The following ELMO1 variants were observed in gnomAD, a reference collection of about 807,000 sequenced individuals.
The protein encoded by ELMO1 is engulfment and cell motility protein 1.
ELMO1 carries 26 observed loss-of-function variants against 98.9 expected under a neutral mutation model. That is an observed-to-expected ratio of 0.26 (90% confidence interval 0.19 to 0.36). The LOEUF (loss-of-function observed/expected upper bound fraction) is 0.36, where lower values mean the gene tolerates loss of function less well. Ranked by LOEUF, ELMO1 falls within the 10% of genes least tolerant of loss-of-function variation. The probability of loss-of-function intolerance (pLI) is 1.00; values close to 1 mark genes in which losing one functional copy is unlikely to be tolerated. For synonymous variants in ELMO1, 346 were observed against 346.0 expected (o/e 1.00, Z 0.00); for missense variants, 627 against 935.2 (o/e 0.67, Z 4.30).
chr7:36,886,229 G>T (rs1019399896), intron 18 of ELMO1, among the ~76,000 whole-genome samples: 4 of 152,110 alleles, frequency 2.6e-5, no homozygotes, highest in Middle Eastern at 3.2e-3. Flanking sequence ...TTATTACTCT[G>T]CCCATTGTCC....
intron 6 of ELMO1, among the ~76,000 whole-genome samples, chr7:37,256,748 AAGG>A (rs869146721): frequency 5.0e-5 from 5 of 99,868 alleles, no homozygotes; most frequent in Non-Finnish European, 7.9e-5. Context: ...AAGGGAAGGG[AAGG>A]GAAGGGAAGG....
intron 6 of ELMO1, among the ~76,000 whole-genome samples, chr7:37,255,598 T>C (rs1253412169): frequency 2.0e-5 from 3 of 152,316 alleles, no homozygotes. Flanking sequence ...GCAGATCACA[T>C]GCGCCCCTGC....
chr7:37,159,779 G>A (rs538160952), intron 13 of ELMO1, among the ~76,000 whole-genome samples: 4 of 152,256 alleles, frequency 2.6e-5, no homozygotes, highest in East Asian at 1.9e-4. Flanking sequence ...AAGAGAGGAC[G>A]TGAACGGGGC....
intron 16 of ELMO1, among the ~76,000 whole-genome samples, chr7:36,933,151 A>T (rs1030372655): frequency 6.6e-6 from 1 of 152,178 alleles, no homozygotes; most frequent in Non-Finnish European, 1.5e-5. Context: ...CAGTATCTTT[A>T]TGTCACTCAC....
intron 16 of ELMO1, among the ~76,000 whole-genome samples, chr7:36,960,099 T>TA (rs1788814646): frequency 1.3e-5 from 2 of 152,230 alleles, no homozygotes; most frequent in Admixed American, 6.5e-5. Flanking sequence ...TAAATGTGCC[T>TA]ACAGCCCCCA....
chr7:36,855,886 A>G lies in ELMO1; in HGVS notation c.1984-135T>C, dbSNP rs1025722249. 1 of 956,908 alleles carries G rather than the reference A, an allele frequency of 1.0e-6. No homozygotes were observed. Among genetic ancestry groups the G allele is most frequent in the Non-Finnish European group, 1.6e-6 (1 of 636,198 alleles). The allele number at this position is 956,908 out of a possible 1,614,324, so 59.3% of individuals were successfully genotyped here. ...GGCTCTGCCTACTTCGTCATTTCAT[A>G]TTTGGCGACATCTCAATATAAAGTC... is the stretch of plus-strand genomic sequence containing the variant. On this transcript the variant is annotated intron_variant, in intron 21 of 21. Transcript: ENST00000310758. This position sits in a 1 kb window ranked among gnomAD's most constrained non-coding sequence, Gnocchi z 4.2.
chr7:37,196,403 G>A (rs376049590), intron 13 of ELMO1, among the ~76,000 whole-genome samples: 16 of 152,304 alleles, frequency 1.1e-4, no homozygotes, highest in Non-Finnish European at 2.2e-4. Context: ...AGATAGAAAC[G>A]TGGCCTTGCT....
At chr7:37,437,239 G>A (rs1269900718) in intron 1 of ELMO1, among the ~76,000 whole-genome samples, 1 of 151,984 alleles carries the variant, frequency 6.6e-6, no homozygotes, top group Non-Finnish European at 1.5e-5. Flanking sequence ...CTCAAAAGCT[G>A]GAATCAAGAA....
At chr7:37,339,435 T>C (rs1800599185) in intron 2 of ELMO1, among the ~76,000 whole-genome samples, 1 of 152,180 alleles carries the variant, frequency 6.6e-6, no homozygotes, top group Non-Finnish European at 1.5e-5. Flanking sequence ...AACCCAACTT[T>C]TGGAAACGGC....
Position 37,281,041 on chromosome 7 carries a change from G to T in ELMO1, c.193-9159C>A, listed in dbSNP as rs183475687. Among the ~76,000 whole-genome samples the T allele has an allele frequency of 1.5e-3, 232 of 150,056 alleles. 1 individual carries two copies. The highest frequency in any genetic ancestry group is 5.5e-3 in the African/African-American group (226 of 40,912). The stretch of plus-strand genomic sequence containing the variant: ...TATATATATACACACACATATGATG[G>T]AATACTACACAGCCATAAAAAGGAG... On this transcript the variant is annotated intron_variant, in intron 4 of 21. Transcript: ENST00000310758.
chr7:37,367,089 C>T (rs1801935327), intron 1 of ELMO1, among the ~76,000 whole-genome samples: 1 of 152,180 alleles, frequency 6.6e-6, no homozygotes. Context: ...TCTCTGGTGA[C>T]CACACCTGAC....
At chr7:37,362,723 C>A (rs1801744230) in intron 1 of ELMO1, among the ~76,000 whole-genome samples, 4 of 152,178 alleles carry the variant, frequency 2.6e-5, no homozygotes. Flanking sequence ...CCTCCAGAAG[C>A]TATTTTTCCT....
chr7:37,384,577 G>A (rs181977927), intron 1 of ELMO1, among the ~76,000 whole-genome samples: 1 of 152,086 alleles, frequency 6.6e-6, no homozygotes, highest in African/African-American at 2.4e-5. Context: ...AAAATTAGCC[G>A]GGCGCGGTGG....
intron 1 of ELMO1, among the ~76,000 whole-genome samples, chr7:37,367,908 A>G (rs1801967800): frequency 6.6e-6 from 1 of 152,252 alleles, no homozygotes; most frequent in Non-Finnish European, 1.5e-5. Flanking sequence ...GCAGACATCG[A>G]AAACAATCAC....
rs62459325 is a variant in ELMO1 at position 37,267,038 on chromosome 7, T to C, written c.243+4794A>G. Among the ~76,000 whole-genome samples, 121 of 100,298 alleles carry C rather than the reference T, an allele frequency of 1.2e-3. 12 individuals are homozygous for C. Among genetic ancestry groups the C allele is most frequent in the African/African-American group, 3.4e-3 (94 of 27,260 alleles). 65.8% of individuals were successfully genotyped at this position (100,298 alleles called of 152,430 possible). A position where few individuals can be genotyped will look rare whatever the true frequency, so the allele number is the denominator to read the frequency against. On this transcript the variant is annotated intron_variant, in intron 5 of 21. Coordinates refer to ENST00000310758, the MANE Select transcript of ELMO1 (RefSeq NM_014800.11). ...AAAAAAAAAAAAAAATATGTATATATACACACACACACACACACACACACA... is the reference window on the plus strand; with the variant it reads ...AAAAAAAAAAAAAAATATGTATATACACACACACACACACACACACACACA...
chr7:37,146,332 G>A (rs1458276439), intron 13 of ELMO1, among the ~76,000 whole-genome samples: 1 of 152,148 alleles, frequency 6.6e-6, no homozygotes, highest in Non-Finnish European at 1.5e-5. Context: ...TGCTGCCGAT[G>A]GCTTCTGGAC....
intron 1 of ELMO1, chr7:37,375,471 A>G (rs1386451426): frequency 1.4e-6 from 1 of 690,252 alleles, no homozygotes; most frequent in African/African-American, 1.8e-5. Flanking sequence ...TCGAAGCAAG[A>G]TGGAGTCAGG....
Position 36,996,925 on chromosome 7 carries a change from T to C in ELMO1, c.1437+16374A>G, listed in dbSNP as rs1213916257. On this transcript the variant is annotated intron_variant, in intron 16 of 21. Coordinates refer to ENST00000310758, the MANE Select transcript of ELMO1 (RefSeq NM_014800.11). ...ATAGACATGTTGTTTGGAAGAGTGGTTTAGGACAGAATGTGGAGTTTTTCT... is the reference window on the plus strand; with the variant it reads ...ATAGACATGTTGTTTGGAAGAGTGGCTTAGGACAGAATGTGGAGTTTTTCT... Among the ~76,000 whole-genome samples the C allele has an allele frequency of 2.0e-5, 3 of 152,160 alleles. 1 individual carries two copies. The highest frequency in any genetic ancestry group is 2.0e-4 in the Admixed American group (3 of 15,272).
chr7:37,304,939 G>C (rs1416368621), intron 4 of ELMO1, among the ~76,000 whole-genome samples: 1 of 152,180 alleles, frequency 6.6e-6, no homozygotes, highest in South Asian at 2.1e-4. Context: ...ACAGTGGAGT[G>C]TGACTGTGCA....
Sources: gnomAD v4.1 joint callset for allele counts (sites outside exome capture counted in the v4.1 genomes callset) on GRCh38, gnomAD v4.1.1 for gene constraint, Gnocchi (gnomAD v3.1) non-coding constraint, MANE v1.5 for transcripts, NCBI Gene and HGNC (gene_info 2026-07-23, HGNC 2026-07-21) for gene names.